The following PLEKHM3 variants were observed in gnomAD, a reference collection of about 807,000 sequenced individuals.
PLEKHM3 encodes pleckstrin homology domain containing M3.
In PLEKHM3, 45 loss-of-function variants were observed where a neutral mutation model predicts 81.8. The ratio of observed to expected loss-of-function variants is 0.55; its 90% CI spans 0.43 to 0.71. The LOEUF is 0.71. Ranked by LOEUF, PLEKHM3 falls within the 30% of genes least tolerant of loss-of-function variation. PLEKHM3 has a pLI of 0.00. For synonymous variants in PLEKHM3, 352 were observed against 356.4 expected, an observed-to-expected ratio of 0.99 and a Z score of 0.14; for missense variants, 788 against 924.3, an observed-to-expected ratio of 0.85 and a Z score of 1.91.
chr2:207,907,952 T>C (rs939055548), intron 6 of PLEKHM3, among the ~76,000 whole-genome samples: 2 of 152,250 alleles, frequency 1.3e-5, no homozygotes, highest in Admixed American at 1.3e-4. Flanking sequence ...TGTATTCTTT[T>C]CTGTTTGGCT....
chr2:207,930,803 G>T (rs925022574), intron 5 of PLEKHM3, 123 bp downstream of exon 5: 8 of 1,073,360 alleles, frequency 7.5e-6, no homozygotes, highest in Non-Finnish European at 1.1e-5. Flanking sequence ...GTGGAGAGGC[G>T]GAGGGCGAGC....
chr2:208,015,691 T>A (rs529142050), intron 1 of PLEKHM3, among the ~76,000 whole-genome samples: 1 of 152,240 alleles, frequency 6.6e-6, no homozygotes, highest in Non-Finnish European at 1.5e-5. Flanking sequence ...CTTCTGCAAA[T>A]GTTTACATAG....
chr2:207,888,228 G>A (rs1687942958), intron 6 of PLEKHM3, among the ~76,000 whole-genome samples: 1 of 152,000 alleles, frequency 6.6e-6, no homozygotes, highest in South Asian at 2.1e-4. Context: ...CTCTGAGTGG[G>A]TGAAGTTACC....
intron 3 of PLEKHM3, among the ~76,000 whole-genome samples, chr2:207,961,134 CT>C (rs1050232615): frequency 2.6e-5 from 4 of 152,184 alleles, no homozygotes; most frequent in African/African-American, 7.2e-5. Flanking sequence ...TCTTGTGCTC[CT>C]AATTTATTAC....
At chr2:208,010,835 A>G (rs1354277845) in intron 1 of PLEKHM3, among the ~76,000 whole-genome samples, 1 of 152,222 alleles carries the variant, frequency 6.6e-6, no homozygotes, top group African/African-American at 2.4e-5. Context: ...GACTGTGTTT[A>G]TCTAATTATC....
At chr2:207,864,764 T>C (rs896690798) in intron 6 of PLEKHM3, among the ~76,000 whole-genome samples, 1 of 152,238 alleles carries the variant, frequency 6.6e-6, no homozygotes, top group South Asian at 2.1e-4. Context: ...TATTCTTAAA[T>C]AGGGACCTTA....
At chr2:207,833,065 T>G (rs534824507) in intron 7 of PLEKHM3, among the ~76,000 whole-genome samples, 1 of 147,996 alleles carries the variant, frequency 6.8e-6, no homozygotes, top group South Asian at 2.1e-4. Flanking sequence ...TCAGCTGATA[T>G]TGTACCATTG....
At chr2:207,876,808 G>A (rs1229976145) in intron 6 of PLEKHM3, among the ~76,000 whole-genome samples, 3 of 152,266 alleles carry the variant, frequency 2.0e-5, no homozygotes, top group African/African-American at 4.8e-5. Flanking sequence ...GGTCTGCTCC[G>A]CCAGGGCTTT....
chr2:207,884,448 T>C (rs1466710513), intron 6 of PLEKHM3, among the ~76,000 whole-genome samples: 1 of 152,204 alleles, frequency 6.6e-6, no homozygotes. Context: ...GTTGGAAACA[T>C]TTTGATGACA....
At chr2:207,859,135 T>C (rs1368420761) in intron 7 of PLEKHM3, among the ~76,000 whole-genome samples, 1 of 108,358 alleles carries the variant, frequency 9.2e-6, no homozygotes, top group Non-Finnish European at 2.0e-5. Flanking sequence ...TTTTTCTTTT[T>C]CTTTTTTTTT....
Position 207,977,183 on chromosome 2 carries a change from A to T in PLEKHM3, c.1014T>A (p.Ser338Arg), listed in dbSNP as rs766119770. The change falls in exon 3 of 8, where the codon AGT (serine) becomes AGA (arginine). Residue 338 changes from serine (S) to arginine (R), a missense_variant. Transcript: ENST00000427836. Reference protein sequence around the residue: ...GHHDDYTQNHSFQKKTSGLLP... With the variant: ...GHHDDYTQNHRFQKKTSGLLP... ...GCAGCCCACTGGTTTTCTTCTGGAAACTATGATTCTGTGTATAGTCATCAT... is the reference window on the plus strand; with the variant it reads ...GCAGCCCACTGGTTTTCTTCTGGAATCTATGATTCTGTGTATAGTCATCAT... 6.2e-7 allele frequency: 1 copy of T among 1,614,034 alleles called. No individual in the cohort carries two copies. Among genetic ancestry groups the T allele is most frequent in the Non-Finnish European group, 8.5e-7 (1 of 1,180,030 alleles).
At chr2:208,006,445 A>T (rs928539195) in intron 1 of PLEKHM3, among the ~76,000 whole-genome samples, 1 of 152,232 alleles carries the variant, frequency 6.6e-6, no homozygotes, top group Non-Finnish European at 1.5e-5. Flanking sequence ...TGTGTTCTAA[A>T]TCTGGCTCAA....
At chr2:208,000,074 G>A (rs988744191) in intron 2 of PLEKHM3, among the ~76,000 whole-genome samples, 1 of 152,198 alleles carries the variant, frequency 6.6e-6, no homozygotes, top group Admixed American at 6.5e-5. Context: ...AGAGTTTGTT[G>A]TGTCTCACAG....
At chr2:208,019,881 T>C (rs1693065802) in intron 1 of PLEKHM3, 1 of 152,226 alleles carries the variant, frequency 6.6e-6, no homozygotes, top group Admixed American at 6.5e-5. Context: ...GCTCAATCCT[T>C]ACTTGCTGAA....
intron 5 of PLEKHM3, among the ~76,000 whole-genome samples, chr2:207,923,518 G>T (rs1476179726): frequency 6.6e-6 from 1 of 151,988 alleles, no homozygotes; most frequent in African/African-American, 2.4e-5. Context: ...GAGGCAGGAG[G>T]ATCGCTTGAA....
intron 2 of PLEKHM3, among the ~76,000 whole-genome samples, chr2:207,990,160 C>A (rs1258879457): frequency 2.0e-5 from 3 of 152,180 alleles, no homozygotes; most frequent in East Asian, 1.9e-4. Context: ...TTTCACCCCA[C>A]CAACTTCCAT....
chr2:207,914,131 T>C (rs143887267), intron 5 of PLEKHM3, among the ~76,000 whole-genome samples: 3,162 of 152,142 alleles, frequency 0.021, 105 homozygotes, highest in African/African-American at 0.072. Context: ...GGTGGGAGGA[T>C]CACTTGAGCT....
At chr2:207,957,060 G>C (rs1381957369) in intron 3 of PLEKHM3, among the ~76,000 whole-genome samples, 4 of 152,064 alleles carry the variant, frequency 2.6e-5, no homozygotes, top group African/African-American at 4.8e-5. Flanking sequence ...GGCATGCAAA[G>C]GGACTGTTAA....
intron 3 of PLEKHM3, among the ~76,000 whole-genome samples, chr2:207,959,985 A>G (rs946670072): frequency 6.6e-6 from 1 of 152,094 alleles, no homozygotes; most frequent in Non-Finnish European, 1.5e-5. Flanking sequence ...TTAGAAGCAC[A>G]TGTTTGTGAC....
Sources: gnomAD v4.1 joint callset for allele counts (sites outside exome capture counted in the v4.1 genomes callset) on GRCh38, gnomAD v4.1.1 for gene constraint, MANE v1.5 for transcripts, NCBI Gene and HGNC (gene_info 2026-07-23, HGNC 2026-07-21) for gene names.